ERC1: variants seen among roughly 807,000 people sequenced by gnomAD.
ERC1 encodes the protein ELKS/RAB6-interacting/CAST family member 1.
In ERC1, 56 loss-of-function variants were observed where a neutral mutation model predicts 132.0. The ratio of observed to expected loss-of-function variants is 0.42; its 90% CI spans 0.34 to 0.53. The LOEUF (loss-of-function observed/expected upper bound fraction) is 0.53, where lower values mean the gene tolerates loss of function less well. Among genes scored for constraint, ERC1 ranks in the 20% least tolerant of loss-of-function variants. The pLI is 0.03. For missense variants in ERC1, 1,202 were observed against 1,349.9 expected (o/e 0.89, Z 1.72); for synonymous variants, 478 against 476.1 (o/e 1.00, Z -0.05).
intron 18 of ERC1, among the ~76,000 whole-genome samples, chr12:1,487,824 GAAAGA>G (rs1208072123): frequency 4.0e-5 from 6 of 148,488 alleles, no homozygotes; most frequent in African/African-American, 1.5e-4. Flanking sequence ...GAGAGAGAGA[GAAAGA>G]AAAGAAAAGA....
At position 1,120,348 on chromosome 12, in the gene ERC1, A is replaced by G. The variant is rs1946940323; in HGVS notation, c.1569+4315A>G. Among the ~76,000 whole-genome samples, 3 of 152,214 alleles carry G rather than the reference A, an allele frequency of 2.0e-5. No individual in the cohort carries two copies. The South Asian group carries it at 6.2e-4, about 31-fold the overall frequency. On this transcript the variant is annotated intron_variant, in intron 7 of 18. Coordinates refer to ENST00000360905, the MANE Select transcript of ERC1 (RefSeq NM_178040.4). ...AAAATTTCGAAACACCTTACAGTTT[A>G]TAGCACTTTGATTTGATTTGATCTT...
intron 4 of ERC1, 75 bp from the exon 5 acceptor site, chr12:1,110,117 C>T (rs553441438): frequency 8.0e-7 from 1 of 1,248,048 alleles, no homozygotes; most frequent in South Asian, 1.6e-5. Flanking sequence ...AATGTAACTT[C>T]TTTAAATATC....
intron 15 of ERC1, among the ~76,000 whole-genome samples, chr12:1,364,182 A>G (rs1485712291): frequency 6.6e-6 from 1 of 152,246 alleles, no homozygotes; most frequent in East Asian, 1.9e-4. Context: ...AGAGTCAGAC[A>G]GCAGCGTTTT....
chr12:1,318,279 C>G (rs1174815272), intron 15 of ERC1, among the ~76,000 whole-genome samples: 1 of 152,162 alleles, frequency 6.6e-6, no homozygotes, highest in Non-Finnish European at 1.5e-5. Context: ...GCTGAGATAC[C>G]TGCCAGTTGG....
chr12:1,196,760 G>A (rs1349310989), intron 12 of ERC1, among the ~76,000 whole-genome samples: 5 of 149,494 alleles, frequency 3.3e-5, no homozygotes, highest in African/African-American at 1.2e-4. Context: ...AAAGTGCTGG[G>A]ATTACAGGCA....
At chr12:1,055,878 C>T (rs1972854329) in intron 2 of ERC1, among the ~76,000 whole-genome samples, 1 of 152,018 alleles carries the variant, frequency 6.6e-6, no homozygotes. Context: ...GCGTGGGTGG[C>T]TCATGTCTGT....
chr12:1,275,101 A>G (rs1279883537), intron 14 of ERC1, among the ~76,000 whole-genome samples: 1 of 152,236 alleles, frequency 6.6e-6, no homozygotes, highest in Non-Finnish European at 1.5e-5. Context: ...TAGGATAGTC[A>G]TGTTAATGAT....
At chr12:1,397,864 CAAAT>C (rs1222496405) in intron 16 of ERC1, among the ~76,000 whole-genome samples, 1 of 151,838 alleles carries the variant, frequency 6.6e-6, no homozygotes, top group East Asian at 1.9e-4. Flanking sequence ...CAAACAGAAA[CAAAT>C]GAATCTAATT....
At chr12:1,402,614 A>AACACACACACACACACACACCAC (rs1555393205) in intron 16 of ERC1, among the ~76,000 whole-genome samples, 5 of 144,990 alleles carry the variant, frequency 3.4e-5, no homozygotes, top group African/African-American at 1.3e-4. Flanking sequence ...TGTAACCCCC[A>AACACACACACACACACACACCAC]ACACACACAC....
intron 15 of ERC1, among the ~76,000 whole-genome samples, chr12:1,368,044 C>T (rs929408040): frequency 6.7e-6 from 1 of 149,206 alleles, no homozygotes; most frequent in Non-Finnish European, 1.5e-5. Context: ...TCTTATTTTG[C>T]CCTGGGCTTG....
intron 15 of ERC1, among the ~76,000 whole-genome samples, chr12:1,352,149 C>T (rs6489282): frequency 0.43 from 65,782 of 151,884 alleles, 14,787 homozygotes; most frequent in African/African-American, 0.52. Context: ...CCAGGCTCCT[C>T]CTACCACAAG....
intron 1 of ERC1, among the ~76,000 whole-genome samples, chr12:1,014,348 G>C (rs2154140975): frequency 6.6e-6 from 1 of 151,970 alleles, no homozygotes; most frequent in South Asian, 2.1e-4. Flanking sequence ...GCTAATGTTG[G>C]TATTTTTGGT....
intron 2 of ERC1, among the ~76,000 whole-genome samples, chr12:1,033,039 ATT>A (rs112737527): frequency 3.5e-5 from 5 of 141,764 alleles, no homozygotes; most frequent in African/African-American, 5.2e-5. Flanking sequence ...TGCCTGGCTA[ATT>A]TTTTTTTTTT....
At chr12:1,268,764 T>C (rs895502771) in intron 14 of ERC1, among the ~76,000 whole-genome samples, 1 of 151,814 alleles carries the variant, frequency 6.6e-6, no homozygotes, top group African/African-American at 2.4e-5. Flanking sequence ...AGACTCCATA[T>C]AAAAAAGAAA....
Position 1,256,765 on chromosome 12 carries a change from A to G in ERC1, c.2488-6269A>G, listed in dbSNP as rs972691952. Among the ~76,000 whole-genome samples, 4 of 150,850 alleles carry G rather than the reference A, an allele frequency of 2.7e-5. 1 individual carries two copies. Among genetic ancestry groups the G allele is most frequent in the African/African-American group, 9.8e-5 (4 of 40,702 alleles). Reference sequence around the variant, plus strand: ...GCCATATCTCAATTCTGTAGTCTCCATAATATCTGCCTTTATATTTTAGGT... The same window carrying G: ...GCCATATCTCAATTCTGTAGTCTCCGTAATATCTGCCTTTATATTTTAGGT... On this transcript the variant is annotated intron_variant, in intron 13 of 18. Coordinates refer to ENST00000360905, the MANE Select transcript of ERC1 (RefSeq NM_178040.4).
chr12:1,038,118 C>T (rs1162507615), intron 2 of ERC1, among the ~76,000 whole-genome samples: 1 of 151,988 alleles, frequency 6.6e-6, no homozygotes, highest in Non-Finnish European at 1.5e-5. Context: ...AATGCTTCAT[C>T]ATCACTAGAA....
chr12:1,202,296 A>G (rs78839686), intron 12 of ERC1, among the ~76,000 whole-genome samples: 1 of 152,194 alleles, frequency 6.6e-6, no homozygotes, highest in Non-Finnish European at 1.5e-5. Context: ...TGTTTCACCT[A>G]AAAGTATAAA....
intron 1 of ERC1, among the ~76,000 whole-genome samples, chr12:1,011,336 T>C (rs1349580432): frequency 2.0e-5 from 3 of 152,148 alleles, no homozygotes; most frequent in Non-Finnish European, 4.4e-5. Flanking sequence ...CCCAAGTAGC[T>C]GGGACTACAG....
chr12:1,225,449 T>TACACACACAC lies in ERC1; in HGVS notation c.2352-11285_2352-11276dup, dbSNP rs67132193. 1.1e-3 allele frequency among the ~76,000 whole-genome samples: 143 copies of TACACACACAC among 131,842 alleles called. 1 individual carries two copies. Among genetic ancestry groups the TACACACACAC allele is most frequent in the East Asian group, 4.3e-3 (19 of 4,448 alleles). 86.5% of individuals were successfully genotyped at this position (131,842 alleles called of 152,430 possible). A position where few individuals can be genotyped will look rare whatever the true frequency, so the allele number is the denominator to read the frequency against. ...AGGACAACAAAATGAGGCTGTCTCT[T>TACACACACAC]ACACACACACACACACACACACACA... On this transcript the variant is annotated intron_variant, in intron 12 of 18. Coordinates refer to ENST00000360905, the MANE Select transcript of ERC1 (RefSeq NM_178040.4).
Sources: gnomAD v4.1 joint callset for allele counts (sites outside exome capture counted in the v4.1 genomes callset) on GRCh38, gnomAD v4.1.1 for gene constraint, MANE v1.5 for transcripts, NCBI Gene and HGNC (gene_info 2026-07-23, HGNC 2026-07-21) for gene names.